Variants in SCN3A observed in about 807,000 individuals in gnomAD.
SCN3A encodes the protein sodium channel protein type 3 subunit alpha.
Under a neutral mutation model 187.6 loss-of-function variants are expected in SCN3A, and 60 were observed. That is an observed-to-expected ratio of 0.32 (90% CI 0.26 to 0.40). SCN3A has a LOEUF of 0.40. Ranked by LOEUF, SCN3A falls within the 10% of genes least tolerant of loss-of-function variation. The pLI is 1.00. For synonymous variants in SCN3A, 788 were observed against 829.2 expected, an observed-to-expected ratio of 0.95 and a Z score of 0.85; for missense variants, 1,601 against 2,428.2, an observed-to-expected ratio of 0.66 and a Z score of 7.16.
chr2:165,178,979 GC>G (rs1183457297), intron 2 of SCN3A, among the ~76,000 whole-genome samples: 1 of 152,114 alleles, frequency 6.6e-6, no homozygotes, highest in Non-Finnish European at 1.5e-5. Flanking sequence ...TTTTCTGCAA[GC>G]CGTAAGTACC....
intron 11 of SCN3A, among the ~76,000 whole-genome samples, chr2:165,151,366 A>T (rs781059639): frequency 6.6e-6 from 1 of 152,210 alleles, no homozygotes; most frequent in Non-Finnish European, 1.5e-5. Flanking sequence ...GGAGCCATTC[A>T]TCTGAAAAAA....
chr2:165,133,563 C>T (rs979022722), intron 15 of SCN3A, among the ~76,000 whole-genome samples: 2 of 151,264 alleles, frequency 1.3e-5, no homozygotes, highest in African/African-American at 2.4e-5. Context: ...AGGCCAGTTT[C>T]GAACTCCTGA....
intron 18 of SCN3A, among the ~76,000 whole-genome samples, chr2:165,121,262 C>T (rs181051023): frequency 2.6e-5 from 4 of 152,174 alleles, no homozygotes; most frequent in East Asian, 1.9e-4. Context: ...CATTGCTTTC[C>T]AAATTCCAAA....
At chr2:165,114,045 C>T in intron 19 of SCN3A, 75 bp from the exon 20 acceptor site, 1 of 876,808 alleles carries the variant, frequency 1.1e-6, no homozygotes, top group South Asian at 1.9e-5. Flanking sequence ...CTTGCCCCTT[C>T]CCCACTCCAC....
intron 22 of SCN3A, among the ~76,000 whole-genome samples, chr2:165,099,740 AC>A (rs1451714498): frequency 6.6e-6 from 1 of 152,060 alleles, no homozygotes; most frequent in African/African-American, 2.4e-5. Context: ...AAACAAAAAA[AC>A]CAAAAAACTC....
At chr2:165,169,098 G>A (rs1689957759) in intron 4 of SCN3A, among the ~76,000 whole-genome samples, 1 of 151,790 alleles carries the variant, frequency 6.6e-6, no homozygotes, top group Admixed American at 6.6e-5. Context: ...CCAATCAGTT[G>A]TGTGAAATTG....
chr2:165,203,819 T>C lies in SCN3A; in HGVS notation c.-248+4A>G, dbSNP rs552289369. 2 of 151,918 alleles carry C rather than the reference T, an allele frequency of 1.3e-5. No individual in the cohort carries two copies. Among genetic ancestry groups the C allele is most frequent in the East Asian group, 3.9e-4 (2 of 5,140 alleles). The allele number at this position is 151,918 out of a possible 1,614,324, so 9.4% of individuals were successfully genotyped here. On this transcript the variant is annotated splice_donor_region_variant and intron_variant, in intron 1 of 27. Transcript: ENST00000283254. ...GCAGATAATGAAATGTTTTGTCAGC[T>C]TACCTGATAAAACAGAGCCTTATGA...
intron 9 of SCN3A, among the ~76,000 whole-genome samples, chr2:165,161,675 T>A (rs975749244): frequency 6.6e-6 from 1 of 152,170 alleles, no homozygotes; most frequent in Admixed American, 6.5e-5. Flanking sequence ...CTTACAATAC[T>A]CTTAGGAAAA....
At chr2:165,136,780 T>C (rs1469543393) in intron 15 of SCN3A, among the ~76,000 whole-genome samples, 1 of 152,146 alleles carries the variant, frequency 6.6e-6, no homozygotes, top group African/African-American at 2.4e-5. Context: ...CTCAAGAATA[T>C]GGTGGGTGTT....
chr2:165,091,979 G>A, intron 27 of SCN3A: 1 of 498,754 alleles, frequency 2.0e-6, no homozygotes, highest in East Asian at 3.7e-5. Flanking sequence ...CTTTTAGCCT[G>A]TGACCTTGGT....
intron 18 of SCN3A, among the ~76,000 whole-genome samples, chr2:165,118,922 T>C (rs928151868): frequency 2.0e-5 from 3 of 151,944 alleles, no homozygotes; most frequent in African/African-American, 7.2e-5. Flanking sequence ...GCCACCATGA[T>C]TGGCTAATTT....
At chr2:165,095,113 C>G (rs2105638962) in intron 25 of SCN3A, among the ~76,000 whole-genome samples, 1 of 152,116 alleles carries the variant, frequency 6.6e-6, no homozygotes, top group Middle Eastern at 3.4e-3. Flanking sequence ...AATGCTTGTT[C>G]AGAAAAGGGC....
rs77216369 is a variant in SCN3A, at chr2:165,108,440, C to T, written c.3843+4445G>A. On this transcript the variant is annotated intron_variant, in intron 21 of 27. Transcript: ENST00000283254. Reference sequence around the variant, plus strand: ...ATGTGATTAAGCAGGAAAAGCATTCCAAAGCCATAATATCAAGCATCTCCT... The same window carrying T: ...ATGTGATTAAGCAGGAAAAGCATTCTAAAGCCATAATATCAAGCATCTCCT... Among the ~76,000 whole-genome samples the T allele has an allele frequency of 9.6e-3, 1,461 of 152,174 alleles. 13 individuals carry two copies. Among genetic ancestry groups the T allele is most frequent in the Non-Finnish European group, 0.016 (1,119 of 67,972 alleles).
chr2:165,185,247 T>G (rs1291513913), intron 2 of SCN3A, among the ~76,000 whole-genome samples: 2 of 152,198 alleles, frequency 1.3e-5, no homozygotes, highest in Non-Finnish European at 2.9e-5. Context: ...AAAGGACAAA[T>G]CAGCATCACT....
Position 165,088,943 on chromosome 2 carries a change from T to C in SCN3A, c.*1207A>G, listed in dbSNP as rs898514601. The C allele has an allele frequency of 6.6e-6, 1 of 152,584 alleles. No individual in the cohort carries two copies. Among genetic ancestry groups the C allele is most frequent in the African/African-American group, 2.4e-5 (1 of 41,452 alleles). 9.5% of individuals were successfully genotyped at this position (152,584 alleles called of 1,614,324 possible). ...GTGTTTGTAAATAGCTTCAAATTAT[T>C]CTGCTTGACATAATGGACAGAGCAG... On this transcript the variant is annotated 3_prime_UTR_variant, in exon 28 of 28. Coordinates refer to ENST00000283254, the MANE Select transcript of SCN3A (RefSeq NM_006922.4).
chr2:165,096,411 C>A (rs1370318836), intron 24 of SCN3A, 56 bp downstream of exon 24: 26 of 1,373,932 alleles, frequency 1.9e-5, no homozygotes, highest in Non-Finnish European at 2.2e-5. Flanking sequence ...TAAATTACCA[C>A]CAATATTCAC....
intron 17 of SCN3A, among the ~76,000 whole-genome samples, chr2:165,128,547 T>C (rs1478531990): frequency 1.3e-5 from 2 of 152,230 alleles, no homozygotes; most frequent in Non-Finnish European, 2.9e-5. Context: ...TGAACTTATT[T>C]ATTTAATAGC....
intron 9 of SCN3A, among the ~76,000 whole-genome samples, chr2:165,157,207 G>A (rs1282010596): frequency 6.6e-6 from 1 of 152,148 alleles, no homozygotes; most frequent in Non-Finnish European, 1.5e-5. Context: ...ACCGTGCCCA[G>A]CCCTCAGTTT....
At chr2:165,115,034 A>G (rs1186159587) in intron 19 of SCN3A, among the ~76,000 whole-genome samples, 1 of 152,052 alleles carries the variant, frequency 6.6e-6, no homozygotes, top group African/African-American at 2.4e-5. Flanking sequence ...TTTATTTTAA[A>G]TATTTTTCTT....
Sources: allele counts gnomAD v4.1 joint callset (sites outside exome capture counted in the v4.1 genomes callset), GRCh38; gene constraint gnomAD v4.1.1; transcripts MANE v1.5; gene names NCBI Gene and HGNC (gene_info 2026-07-23, HGNC 2026-07-21).